PDE12: variants seen among roughly 807,000 people sequenced by gnomAD.
The protein encoded by PDE12 is phosphodiesterase 12, also known as 2',5'-phosphodiesterase 12.
PDE12 carries 26 observed loss-of-function variants against 45.4 expected under a neutral mutation model. The ratio of observed to expected loss-of-function variants is 0.57; its 90% CI spans 0.42 to 0.79. The LOEUF (loss-of-function observed/expected upper bound fraction) is 0.79. Ranked by LOEUF, PDE12 falls within the 30% of genes least tolerant of loss-of-function variation. The pLI, the probability that PDE12 is intolerant of heterozygous loss-of-function variation, is 0.00. For synonymous variants in PDE12, 283 were observed against 323.9 expected, an observed-to-expected ratio of 0.87 and a Z score of 1.36; for missense variants, 668 against 790.0, an observed-to-expected ratio of 0.85 and a Z score of 1.85.
the PDE12 span, chr3:57,630,698 A>G: frequency 1.4e-5 from 22 of 1,606,400 alleles, no homozygotes; most frequent in Non-Finnish European, 1.9e-5. Context: ...GGTGTAAAAC[A>G]GGGAAAAAAG....
the PDE12 span, among the ~76,000 whole-genome samples, chr3:57,594,508 C>A: frequency 6.6e-6 from 1 of 152,228 alleles, no homozygotes; most frequent in Non-Finnish European, 1.5e-5. Context: ...ATTTGATACA[C>A]TGTGTTGGTT....
At chr3:57,568,667 C>T (rs562212723), downstream of PDE12, among the ~76,000 whole-genome samples, 43 of 151,176 alleles carry the variant, frequency 2.8e-4, 1 homozygote, top group Middle Eastern at 6.9e-3. Flanking sequence ...AGGATCCTCC[C>T]GCCTCAGCCT....
At chr3:57,610,557 A>G in the PDE12 span, among the ~76,000 whole-genome samples, 2 of 152,244 alleles carry the variant, frequency 1.3e-5, no homozygotes, top group African/African-American at 4.8e-5. Flanking sequence ...CAAAATCAAT[A>G]TGCAAAAATC....
the PDE12 span, among the ~76,000 whole-genome samples, chr3:57,624,700 A>C: frequency 3.3e-5 from 5 of 151,352 alleles, no homozygotes; most frequent in African/African-American, 1.2e-4. Flanking sequence ...GGAGGTGGAG[A>C]TTGCAGTGAG....
the PDE12 span, chr3:57,641,742 G>A: frequency 2.5e-6 from 4 of 1,611,924 alleles, no homozygotes; most frequent in Non-Finnish European, 3.4e-6. Flanking sequence ...TAATATAACT[G>A]AGGGCCTATA....
At chr3:57,558,928 A>T (rs1020118919) in intron 1 of PDE12, among the ~76,000 whole-genome samples, 8 of 151,952 alleles carry the variant, frequency 5.3e-5, no homozygotes, top group Non-Finnish European at 7.4e-5. Context: ...CATTAGTCTT[A>T]GATAAAAAAC....
In PDE12 at chr3:57,557,007, G is replaced by A. The variant is rs749197173; in HGVS notation, c.628G>A (p.Val210Ile). Residue 210 changes from valine to isoleucine, a missense_variant, in exon 1 of 3, where the codon GTC (valine) becomes ATC (isoleucine). Physicochemically the swap from Val to Ile is conservative, Grantham distance 29. This residue lies in a region of PDE12 where 580 missense variants were observed against 662.9 expected (regional missense o/e 0.87). Transcript: ENST00000311180. ...EAKPGAAEPE[V>I]GVPSSLSPSS... ...CAAGCCCGGAGCGGCGGAGCCCGAG[G>A]TCGGTGTCCCCTCGTCATTGTCTCC... 6.8e-6 allele frequency: 11 copies of A among 1,614,040 alleles called. No individual in the cohort carries two copies. In the African/African-American group the frequency reaches 1.1e-4, roughly 16 times the overall value.
chr3:57,580,657 G>A, the PDE12 span, among the ~76,000 whole-genome samples: 3 of 151,958 alleles, frequency 2.0e-5, no homozygotes, highest in Non-Finnish European at 4.4e-5. Context: ...GCCTCCCAAA[G>A]TGTTGGTGTT....
chr3:57,591,432 G>A, the PDE12 span, among the ~76,000 whole-genome samples: 633 of 150,574 alleles, frequency 4.2e-3, 5 homozygotes, highest in African/African-American at 0.015. Context: ...ACTAATATAC[G>A]CTATAATATG....
the PDE12 span, among the ~76,000 whole-genome samples, chr3:57,642,635 T>A: frequency 6.6e-6 from 1 of 152,090 alleles, no homozygotes; most frequent in Admixed American, 6.6e-5. Context: ...GAAGTTTAGA[T>A]GTTATCTTAC....
At chr3:57,598,664 C>G in the PDE12 span, among the ~76,000 whole-genome samples, 13 of 152,096 alleles carry the variant, frequency 8.5e-5, no homozygotes, top group African/African-American at 3.1e-4. Flanking sequence ...GCCTATACTC[C>G]CAGCTACTCC....
At chr3:57,586,693 T>C in the PDE12 span, among the ~76,000 whole-genome samples, 7 of 152,246 alleles carry the variant, frequency 4.6e-5, no homozygotes, top group South Asian at 1.2e-3. Context: ...TTTTTGAGCA[T>C]GGAACATTAT....
chr3:57,601,867 C>T, the PDE12 span, among the ~76,000 whole-genome samples: 124 of 151,156 alleles, frequency 8.2e-4, no homozygotes, highest in Non-Finnish European at 2.2e-4. Flanking sequence ...GCCTCAGCTG[C>T]CCAAGTAGCT....
chr3:57,641,621 A>G, the PDE12 span: 4 of 1,576,748 alleles, frequency 2.5e-6, no homozygotes, highest in Non-Finnish European at 2.6e-6. Context: ...AACACTGCAC[A>G]CTAGAAACAG....
chr3:57,631,484 G>A, the PDE12 span, among the ~76,000 whole-genome samples: 9 of 151,646 alleles, frequency 5.9e-5, no homozygotes, highest in East Asian at 2.0e-4. Context: ...GTGAACTACC[G>A]CGCCCAACAA....
the PDE12 span, among the ~76,000 whole-genome samples, chr3:57,591,712 G>A: frequency 1.3e-5 from 2 of 152,018 alleles, no homozygotes; most frequent in Non-Finnish European, 2.9e-5. Context: ...TGATCTGCCC[G>A]CCTCAGCCTC....
At chr3:57,600,979 T>G in the PDE12 span, 15 of 152,224 alleles carry the variant, frequency 9.9e-5, no homozygotes, top group Non-Finnish European at 1.5e-5. Context: ...GAAAAATTGC[T>G]ATAGTTTATT....
chr3:57,557,083 A>AC lies in PDE12; in HGVS notation c.705dup (p.Thr236HisfsTer45). 6.2e-7 allele frequency: 1 copy of AC among 1,613,812 alleles called. No homozygotes were observed. Among genetic ancestry groups the AC allele is most frequent in the Non-Finnish European group, 8.5e-7 (1 of 1,179,988 alleles). On this transcript the variant is annotated frameshift_variant, in exon 1 of 3. Coordinates refer to ENST00000311180, the MANE Select transcript of PDE12 (RefSeq NM_177966.7). LOFTEE classifies it high-confidence loss of function. ...GAGACTGATGTGGAGGAGCGTGTCT[A>AC]CACCCCGTCCAATGCCGACATCGGG...
chr3:57,621,802 G>GA, the PDE12 span, among the ~76,000 whole-genome samples: 518 of 139,526 alleles, frequency 3.7e-3, 3 homozygotes, highest in Middle Eastern at 0.011. Context: ...TTTAAAAAAT[G>GA]AAAAAAAAAA....
Sources: allele counts gnomAD v4.1 joint callset (sites outside exome capture counted in the v4.1 genomes callset), GRCh38; gene constraint gnomAD v4.1.1; regional missense constraint gnomAD v4.1.1; transcripts MANE v1.5; gene names NCBI Gene and HGNC (gene_info 2026-07-23, HGNC 2026-07-21).